Variants in AKAP6 observed in about 807,000 individuals in gnomAD.
The protein encoded by AKAP6 is A-kinase anchoring protein 6.
AKAP6 carries 58 observed loss-of-function variants against 188.5 expected under a neutral mutation model. The ratio of observed to expected loss-of-function variants is 0.31; its 90% confidence interval spans 0.25 to 0.38. AKAP6 has a LOEUF of 0.38. Ranked by LOEUF, AKAP6 falls within the 10% of genes least tolerant of loss-of-function variation. The pLI is 1.00. For synonymous variants in AKAP6, 989 were observed against 998.6 expected, an observed-to-expected ratio of 0.99 and a Z score of 0.18; for missense variants, 2,710 against 2,740.0, an observed-to-expected ratio of 0.99 and a Z score of 0.24.
intron 5 of AKAP6, among the ~76,000 whole-genome samples, chr14:32,579,118 G>C (rs568155866): frequency 6.6e-6 from 1 of 152,114 alleles, no homozygotes; most frequent in Non-Finnish European, 1.5e-5. Context: ...TGCCACATGT[G>C]GCTAGTGACT....
At chr14:32,399,750 T>G (rs996323789) in intron 1 of AKAP6, among the ~76,000 whole-genome samples, 1 of 152,170 alleles carries the variant, frequency 6.6e-6, no homozygotes, top group African/African-American at 2.4e-5. Context: ...GCTTGGTTCT[T>G]TTTTAAAAAT....
intron 2 of AKAP6, among the ~76,000 whole-genome samples, chr14:32,506,815 G>A (rs1880903052): frequency 6.7e-6 from 1 of 148,774 alleles, no homozygotes; most frequent in African/African-American, 2.5e-5. Context: ...TTACAGGTGT[G>A]AGCCACCACA....
chr14:32,394,176 A>G (rs1255837879), intron 1 of AKAP6, among the ~76,000 whole-genome samples: 1 of 152,174 alleles, frequency 6.6e-6, no homozygotes, highest in Admixed American at 6.5e-5. Flanking sequence ...GCTATTTGGT[A>G]GTTCTCTTTC....
intron 7 of AKAP6, among the ~76,000 whole-genome samples, chr14:32,618,662 T>G (rs1886686798): frequency 6.6e-6 from 1 of 152,232 alleles, no homozygotes; most frequent in African/African-American, 2.4e-5. Context: ...AACATATTCA[T>G]GCAGCTGTCT....
intron 7 of AKAP6, among the ~76,000 whole-genome samples, chr14:32,612,759 T>G (rs1239507184): frequency 2.0e-5 from 3 of 152,206 alleles, no homozygotes; most frequent in Non-Finnish European, 4.4e-5. Flanking sequence ...ACAGCCTTGC[T>G]GAAAGGATAT....
At chr14:32,816,169 T>C (rs2034372113) in intron 12 of AKAP6, among the ~76,000 whole-genome samples, 1 of 152,176 alleles carries the variant, frequency 6.6e-6, no homozygotes, top group South Asian at 2.1e-4. Flanking sequence ...TGGAAGCAGC[T>C]GTTTGTCATT....
chr14:32,768,393 G>A (rs1410413197), intron 11 of AKAP6, among the ~76,000 whole-genome samples: 1 of 152,054 alleles, frequency 6.6e-6, no homozygotes, highest in Admixed American at 6.6e-5. Context: ...ATTAGCAAAT[G>A]ACTTATTTGA....
chr14:32,607,102 G>C (rs773091930), intron 7 of AKAP6, among the ~76,000 whole-genome samples: 1 of 152,120 alleles, frequency 6.6e-6, no homozygotes, highest in Non-Finnish European at 1.5e-5. Context: ...TAAAGGAGTC[G>C]ATCTGGGGAG....
chr14:32,613,721 G>C (rs1010407763), intron 7 of AKAP6, among the ~76,000 whole-genome samples: 1 of 151,984 alleles, frequency 6.6e-6, no homozygotes, highest in Non-Finnish European at 1.5e-5. Context: ...CTGGCCTGTC[G>C]TACACCCAGC....
chr14:32,347,768 C>G (rs1887114294), intron 1 of AKAP6, among the ~76,000 whole-genome samples: 1 of 152,188 alleles, frequency 6.6e-6, no homozygotes, highest in Non-Finnish European at 1.5e-5. Flanking sequence ...GGCCCTTGGC[C>G]ACTTTTTAAA....
At chr14:32,594,990 G>A (rs772593358) in intron 5 of AKAP6, among the ~76,000 whole-genome samples, 2 of 151,908 alleles carry the variant, frequency 1.3e-5, no homozygotes, top group Admixed American at 6.6e-5. Flanking sequence ...CTTCTCTCAC[G>A]CACTGAGAAA....
chr14:32,385,401 A>C (rs1373584635), intron 1 of AKAP6, among the ~76,000 whole-genome samples: 1 of 69,110 alleles, frequency 1.4e-5, no homozygotes, highest in South Asian at 7.3e-4. Flanking sequence ...TTTTATTTTT[A>C]TTTCTTTTTT....
intron 2 of AKAP6, among the ~76,000 whole-genome samples, chr14:32,452,574 C>T (rs1175462774): frequency 6.6e-6 from 1 of 151,970 alleles, no homozygotes; most frequent in African/African-American, 2.4e-5. Flanking sequence ...CTTGGGGAGG[C>T]TGGTGAGGGA....
At chr14:32,761,243 G>A (rs1374795760) in intron 11 of AKAP6, among the ~76,000 whole-genome samples, 1 of 152,008 alleles carries the variant, frequency 6.6e-6, no homozygotes, top group African/African-American at 2.4e-5. Context: ...TCTTTTTAGA[G>A]GTGTTATTTC....
At chr14:32,421,013 G>A (rs1441330049) in intron 1 of AKAP6, among the ~76,000 whole-genome samples, 1 of 151,500 alleles carries the variant, frequency 6.6e-6, no homozygotes, top group Admixed American at 6.6e-5. Flanking sequence ...GAAATTCTAG[G>A]TTAGAATTAT....
chr14:32,808,193 C>T (rs1252787625), intron 12 of AKAP6, among the ~76,000 whole-genome samples: 2 of 151,228 alleles, frequency 1.3e-5, no homozygotes, highest in African/African-American at 2.4e-5. Flanking sequence ...AGAGCTGTCC[C>T]TTCTTTCCTA....
intron 2 of AKAP6, among the ~76,000 whole-genome samples, chr14:32,472,980 A>G (rs1252930835): frequency 2.0e-5 from 3 of 152,220 alleles, no homozygotes; most frequent in African/African-American, 7.2e-5. Context: ...ATCTAGTTTA[A>G]ACTGGTTGGA....
intron 9 of AKAP6, among the ~76,000 whole-genome samples, chr14:32,700,233 C>T (rs1414350118): frequency 1.3e-5 from 2 of 152,168 alleles, no homozygotes; most frequent in Admixed American, 6.5e-5. Context: ...ATCAGAGGCT[C>T]CTTACCTATG....
chr14:32,414,969 C>T (rs1889610240), intron 1 of AKAP6, among the ~76,000 whole-genome samples: 1 of 152,238 alleles, frequency 6.6e-6, no homozygotes, highest in South Asian at 2.1e-4. Flanking sequence ...ATTTTTAACC[C>T]ACCAATTAGT....
Sources: allele counts gnomAD v4.1 joint callset (sites outside exome capture counted in the v4.1 genomes callset), GRCh38; gene constraint gnomAD v4.1.1; transcripts MANE v1.5; gene names NCBI Gene and HGNC (gene_info 2026-07-23, HGNC 2026-07-21).